Variants in CCP110 observed in about 807,000 individuals in gnomAD.
CCP110 encodes the protein centriolar coiled-coil protein of 110 kDa.
CCP110 carries 43 observed loss-of-function variants against 105.5 expected under a neutral mutation model. The observed-to-expected ratio is 0.41, with a 90% CI of 0.32 to 0.53. CCP110 has a LOEUF of 0.53. Ranked by LOEUF, CCP110 falls within the 20% of genes least tolerant of loss-of-function variation. The pLI is 0.32. For missense variants in CCP110, 1,016 were observed against 1,189.1 expected, an observed-to-expected ratio of 0.85 and a Z score of 2.14; for synonymous variants, 353 against 392.1, an observed-to-expected ratio of 0.90 and a Z score of 1.18.
chr16:19,550,818 G>A (rs565120482), intron 14 of CCP110, among the ~76,000 whole-genome samples: 2 of 152,250 alleles, frequency 1.3e-5, no homozygotes, highest in Admixed American at 1.3e-4. Context: ...TTTGACTTAC[G>A]GTTTTAAAAC....
chr16:19,527,858 C>T lies in CCP110; in HGVS notation c.-15-9C>T, dbSNP rs370845429. 3 of 1,600,988 alleles carry T rather than the reference C, an allele frequency of 1.9e-6. No individual in the cohort carries two copies. In the Admixed American group the frequency reaches 5.3e-5, roughly 28 times the overall value. On this transcript the variant is annotated splice_polypyrimidine_tract_variant and intron_variant, in intron 1 of 14. Coordinates refer to ENST00000381396, the Ensembl canonical transcript of CCP110. The stretch of plus-strand genomic sequence containing the variant: ...AGTACATTAAAAATAACATTTTTCT[C>T]TCTTGTAGTGTGACTGTGGGAAGAT...
chr16:19,536,778 G>C (rs773742124), exon 4 of CCP110: 3 of 1,614,002 alleles, frequency 1.9e-6, no homozygotes, highest in African/African-American at 1.3e-5. Flanking sequence ...CCAGAGCCAA[G>C]TATGAGTCCT....
chr16:19,542,741 C>G (rs773487487), exon 7 of CCP110: 7 of 1,613,262 alleles, frequency 4.3e-6, no homozygotes, highest in Non-Finnish European at 5.9e-6. Context: ...TTTGGAAGAG[C>G]CAAAACTAGA....
At position 19,544,804 on chromosome 16, in the gene CCP110, T is replaced by C. The variant is rs185526932; in HGVS notation, c.2492T>C (p.Met831Thr). ...GAGCATTTCTTTTTTCAGGATACTA[T>C]GGAATTCATAAGAAGTTTTCAGTCA... The change falls in exon 9 of 15, where the codon ATG becomes ACG. Residue 831 changes from methionine to threonine, a missense_variant. Transcript: ENST00000381396. The C allele has an allele frequency of 3.9e-6, 6 of 1,527,890 alleles. No homozygotes were observed. The East Asian group carries it at 9.0e-5, about 23-fold the overall frequency. The allele number at this position is 1,527,890 out of a possible 1,614,324, so 94.6% of individuals were successfully genotyped here.
exon 4 of CCP110, chr16:19,537,462 A>G (rs1429518962): frequency 6.2e-7 from 1 of 1,612,662 alleles, no homozygotes; most frequent in Non-Finnish European, 8.5e-7. Context: ...TTGCAAAAAG[A>G]AAACTGCCCT....
chr16:19,548,537 G>C lies in CCP110; in HGVS notation c.2923G>C (p.Gly975Arg). The change falls in exon 14 of 15, where the codon GGG (glycine) becomes CGG (arginine). Residue 975 changes from glycine to arginine, a missense_variant. Gly to Arg is a moderately radical substitution (Grantham distance 125). Transcript: ENST00000381396. This position sits in a 1 kb window ranked among gnomAD's most constrained non-coding sequence, Gnocchi z 4.1. ...TAGAACCCCTAAGACATCAGTGAAGGGGGTTGTGCAAAATAGACAGAAGCC... is the reference window on the plus strand; with the variant it reads ...TAGAACCCCTAAGACATCAGTGAAGCGGGTTGTGCAAAATAGACAGAAGCC... 6.5e-7 allele frequency: 1 copy of C among 1,548,908 alleles called. No homozygotes were observed. Among genetic ancestry groups the C allele is most frequent in the Non-Finnish European group, 8.7e-7 (1 of 1,145,728 alleles).
At chr16:19,544,091 A>T (rs1250851364) in intron 8 of CCP110, among the ~76,000 whole-genome samples, 1 of 152,158 alleles carries the variant, frequency 6.6e-6, no homozygotes, top group Non-Finnish European at 1.5e-5. Context: ...TCAGGTGGGC[A>T]TCATGGTCCT....
At chr16:19,539,574 G>A (rs1194765619) in intron 4 of CCP110, among the ~76,000 whole-genome samples, 4 of 151,652 alleles carry the variant, frequency 2.6e-5, no homozygotes, top group African/African-American at 7.3e-5. Context: ...GGCTGGTCTC[G>A]AACTCCTAGG....
At chr16:19,528,171 C>A (rs1186948304) in intron 2 of CCP110, 149 bp downstream of exon 2, 1 of 664,452 alleles carries the variant, frequency 1.5e-6, no homozygotes, top group Non-Finnish European at 2.4e-6. Context: ...TTTTTACTTA[C>A]TATTATAGAT....
chr16:19,544,671 C>T, intron 8 of CCP110, 126 bp from the exon 9 acceptor site: 1 of 611,630 alleles, frequency 1.6e-6, no homozygotes, highest in Non-Finnish European at 2.9e-6. Context: ...ATTCATGGAA[C>T]CAGTCCCCCA....
At chr16:19,534,430 A>G (rs1969977762) in intron 3 of CCP110, among the ~76,000 whole-genome samples, 1 of 152,212 alleles carries the variant, frequency 6.6e-6, no homozygotes, top group Non-Finnish European at 1.5e-5. Context: ...CTAAGATTCT[A>G]TGATAGATTT....
chr16:19,549,554 C>A (rs1970568581), intron 14 of CCP110, among the ~76,000 whole-genome samples: 1 of 152,080 alleles, frequency 6.6e-6, no homozygotes, highest in African/African-American at 2.4e-5. Context: ...AAAAGATCAT[C>A]TTTGGAAATC....
chr16:19,551,372 C>A, exon 15 of CCP110: 2 of 815,202 alleles, frequency 2.5e-6, no homozygotes, highest in Non-Finnish European at 2.2e-6. Flanking sequence ...GAAGGCTGAG[C>A]ACTTATCTGG....
chr16:19,542,875 T>G lies in CCP110; in HGVS notation c.2368-3T>G. 2 of 1,587,630 alleles carry G rather than the reference T, an allele frequency of 1.3e-6. No homozygotes were observed. Among genetic ancestry groups the G allele is most frequent in the Non-Finnish European group, 1.7e-6 (2 of 1,156,218 alleles). ...AACATTGTGTCTGTCTTCTTTCTCCTAGGTTTTTAGTCTGGAAATACAAGC... is the reference window on the plus strand; with the variant it reads ...AACATTGTGTCTGTCTTCTTTCTCCGAGGTTTTTAGTCTGGAAATACAAGC... On this transcript the variant is annotated splice_polypyrimidine_tract_variant and splice_region_variant and intron_variant, in intron 7 of 14. Coordinates refer to ENST00000381396, the Ensembl canonical transcript of CCP110.
At chr16:19,531,280 G>C (rs935304355) in intron 2 of CCP110, among the ~76,000 whole-genome samples, 11 of 152,122 alleles carry the variant, frequency 7.2e-5, no homozygotes, top group Non-Finnish European at 1.3e-4. Flanking sequence ...TGATGTTTAT[G>C]GACCTAATCC....
rs1970123444 is a variant in CCP110 at position 19,537,594 on chromosome 16, A to G, written c.1918+7A>G. The G allele has an allele frequency of 6.8e-7, 1 of 1,477,946 alleles. No homozygotes were observed. 91.6% of individuals were successfully genotyped at this position (1,477,946 alleles called of 1,614,324 possible). The stretch of plus-strand genomic sequence containing the variant: ...TTAGGAACTAGTTCCAAAGGTAAGG[A>G]ATCTTTGAAGCGTTTGATACCTTCT... On this transcript the variant is annotated splice_region_variant and intron_variant, in intron 4 of 14. Transcript: ENST00000381396.
At chr16:19,532,075 C>T (rs1969889993) in intron 2 of CCP110, among the ~76,000 whole-genome samples, 1 of 151,954 alleles carries the variant, frequency 6.6e-6, no homozygotes, top group Non-Finnish European at 1.5e-5. Flanking sequence ...TTATTTCTGT[C>T]ATTTTAGAAC....
At chr16:19,540,564 C>T in intron 4 of CCP110, 93 bp from the exon 5 acceptor site, 2 of 1,068,090 alleles carry the variant, frequency 1.9e-6, no homozygotes, top group East Asian at 2.5e-5. Context: ...CAGGAATACT[C>T]TCTTGTCAGA....
intron 12 of CCP110, 98 bp from the exon 13 acceptor site, chr16:19,547,857 C>A: frequency 1.2e-6 from 1 of 837,694 alleles, no homozygotes; most frequent in Non-Finnish European, 2.1e-6. Flanking sequence ...GCATAGTTGA[C>A]CTTTACCTTA....
Sources: allele counts gnomAD v4.1 joint callset (sites outside exome capture counted in the v4.1 genomes callset), GRCh38; gene constraint gnomAD v4.1.1; non-coding constraint Gnocchi (gnomAD v3.1); transcripts MANE v1.5; gene names NCBI Gene and HGNC (gene_info 2026-07-23, HGNC 2026-07-21).